GALNTL6: variants seen among roughly 807,000 people sequenced by gnomAD.
GALNTL6 encodes polypeptide N-acetylgalactosaminyltransferase-like 6.
In GALNTL6, 46 loss-of-function variants were observed where a neutral mutation model predicts 73.7. The ratio of observed to expected loss-of-function variants is 0.62; its 90% CI spans 0.49 to 0.80. The LOEUF (loss-of-function observed/expected upper bound fraction) is 0.80. GALNTL6 is among the 30% of genes least tolerant of loss of function. The probability of loss-of-function intolerance (pLI) is 0.00; values close to 1 mark genes in which losing one functional copy is unlikely to be tolerated. For missense variants in GALNTL6, 604 were observed against 755.0 expected (o/e 0.80, Z 2.34); for synonymous variants, 259 against 263.7 (o/e 0.98, Z 0.17).
At chr4:171,956,010 G>GC (rs1275716850) in intron 2 of GALNTL6, among the ~76,000 whole-genome samples, 2 of 76,560 alleles carry the variant, frequency 2.6e-5, no homozygotes, top group African/African-American at 1.5e-4. Flanking sequence ...GTGTGTGTGT[G>GC]TGTGGGACAG....
chr4:172,520,546 T>G (rs1401314099), intron 5 of GALNTL6, among the ~76,000 whole-genome samples: 1 of 151,512 alleles, frequency 6.6e-6, no homozygotes, highest in Non-Finnish European at 1.5e-5. Flanking sequence ...GTCTTTTCGT[T>G]TTTTTTTTCA....
chr4:172,685,248 C>A (rs1732850828), intron 5 of GALNTL6, among the ~76,000 whole-genome samples: 1 of 151,958 alleles, frequency 6.6e-6, no homozygotes, highest in Non-Finnish European at 1.5e-5. Flanking sequence ...CACAGCAAGT[C>A]ATTTAGTGAA....
chr4:172,033,059 A>G (rs1741817409), intron 2 of GALNTL6, among the ~76,000 whole-genome samples: 1 of 152,070 alleles, frequency 6.6e-6, no homozygotes, highest in African/African-American at 2.4e-5. Context: ...TGACAAGTTA[A>G]CATTTCTCTA....
At chr4:171,910,337 A>G (rs2110960917) in intron 2 of GALNTL6, among the ~76,000 whole-genome samples, 1 of 152,258 alleles carries the variant, frequency 6.6e-6, no homozygotes, top group Admixed American at 6.5e-5. Flanking sequence ...AACATGTCAC[A>G]CAATGGCAAA....
intron 2 of GALNTL6, among the ~76,000 whole-genome samples, chr4:171,926,004 A>G (rs74440539): frequency 0.047 from 6,730 of 142,056 alleles, 402 homozygotes; most frequent in African/African-American, 0.15. Flanking sequence ...ATTTTACAAA[A>G]ATATTATTAC....
intron 5 of GALNTL6, among the ~76,000 whole-genome samples, chr4:172,642,279 A>T (rs1740023106): frequency 6.6e-6 from 1 of 152,186 alleles, no homozygotes; most frequent in Admixed American, 6.6e-5. Flanking sequence ...CTGCACTTCC[A>T]TATTCGTTGC....
intron 2 of GALNTL6, among the ~76,000 whole-genome samples, chr4:171,934,095 A>G (rs193002722): frequency 6.6e-6 from 1 of 152,292 alleles, no homozygotes; most frequent in East Asian, 1.9e-4. Flanking sequence ...CTGAAGGTGG[A>G]GTCCCTTTGG....
At chr4:171,820,219 C>A (rs1377452595) in intron 2 of GALNTL6, among the ~76,000 whole-genome samples, 2 of 152,142 alleles carry the variant, frequency 1.3e-5, no homozygotes, top group African/African-American at 4.8e-5. Flanking sequence ...CTCTAACTTT[C>A]TTCACTAATG....
intron 2 of GALNTL6, among the ~76,000 whole-genome samples, chr4:172,153,208 G>A (rs1579189221): frequency 6.6e-6 from 1 of 152,288 alleles, no homozygotes; most frequent in East Asian, 1.9e-4. Context: ...ATTTTGGAAA[G>A]AAGAGCGGAA....
At chr4:172,820,354 A>G (rs1275053988) in intron 7 of GALNTL6, among the ~76,000 whole-genome samples, 3 of 152,226 alleles carry the variant, frequency 2.0e-5, no homozygotes, top group Admixed American at 2.0e-4. Flanking sequence ...CTTGGGTTAA[A>G]TTTCATTGAG....
At chr4:171,829,550 T>C (rs780063305) in intron 2 of GALNTL6, among the ~76,000 whole-genome samples, 1 of 152,144 alleles carries the variant, frequency 6.6e-6, no homozygotes, top group African/African-American at 2.4e-5. Context: ...AGTATCATAC[T>C]TTTTCCCCCT....
rs1553989820 is a variant in GALNTL6, at chr4:172,069,585, A to ATATATAACACATGTGT, written c.139-160065_139-160064insACACATGTGTTATATA. Among the ~76,000 whole-genome samples the ATATATAACACATGTGT allele has an allele frequency of 4.4e-3, 104 of 23,438 alleles. 40 individuals carry two copies. The highest frequency in any genetic ancestry group is 4.9e-3 in the Non-Finnish European group (36 of 7,414). The allele number at this position is 23,438 out of a possible 152,430, so 15.4% of individuals were successfully genotyped here. A position where few individuals can be genotyped will look rare whatever the true frequency, so the allele number is the denominator to read the frequency against. Reference sequence around the variant, plus strand: ...ATATAACACATATATGTTATATATTATATATATAACACATATATGTTATAT... The same window carrying ATATATAACACATGTGT: ...ATATAACACATATATGTTATATATTATATATAACACATGTGTTATATATAACACATATATGTTATAT... On this transcript the variant is annotated intron_variant, in intron 2 of 12. Transcript: ENST00000506823.
At chr4:172,529,454 A>AT (rs1487224293) in intron 5 of GALNTL6, among the ~76,000 whole-genome samples, 1 of 151,908 alleles carries the variant, frequency 6.6e-6, no homozygotes, top group African/African-American at 2.4e-5. Flanking sequence ...TACTAGTTTT[A>AT]TTTTTTTAAT....
At chr4:172,750,913 C>T (rs2110780398) in intron 5 of GALNTL6, among the ~76,000 whole-genome samples, 1 of 152,146 alleles carries the variant, frequency 6.6e-6, no homozygotes, top group Admixed American at 6.5e-5. Context: ...TTAGTTGACT[C>T]TGGAGCCTCA....
intron 10 of GALNTL6, among the ~76,000 whole-genome samples, chr4:172,968,137 C>T (rs761828496): frequency 6.6e-5 from 10 of 152,140 alleles, no homozygotes; most frequent in Admixed American, 1.3e-4. Flanking sequence ...TCAAGTACTA[C>T]AGAACATAGG....
intron 2 of GALNTL6, among the ~76,000 whole-genome samples, chr4:172,212,505 A>C (rs562311931): frequency 6.6e-6 from 1 of 152,150 alleles, no homozygotes; most frequent in South Asian, 2.1e-4. Context: ...CCTGTTTTTC[A>C]TGTAAAATAT....
At chr4:172,893,059 C>T (rs913249962) in intron 8 of GALNTL6, among the ~76,000 whole-genome samples, 1 of 152,180 alleles carries the variant, frequency 6.6e-6, no homozygotes, top group Non-Finnish European at 1.5e-5. Context: ...CTTATCCCAG[C>T]AGATGGCTGT....
intron 5 of GALNTL6, among the ~76,000 whole-genome samples, chr4:172,398,855 T>C (rs1217906236): frequency 6.6e-6 from 1 of 152,056 alleles, no homozygotes; most frequent in Non-Finnish European, 1.5e-5. Flanking sequence ...CCCTTGCCAA[T>C]GTTTGGGTTT....
chr4:172,374,350 T>C (rs1579008135), intron 5 of GALNTL6, among the ~76,000 whole-genome samples: 1 of 152,192 alleles, frequency 6.6e-6, no homozygotes, highest in Non-Finnish European at 1.5e-5. Context: ...GGTTTAATAA[T>C]GCCTCCAAAT....
Sources: gnomAD v4.1 joint callset for allele counts (sites outside exome capture counted in the v4.1 genomes callset) on GRCh38, gnomAD v4.1.1 for gene constraint, MANE v1.5 for transcripts, NCBI Gene and HGNC (gene_info 2026-07-23, HGNC 2026-07-21) for gene names.